Variants in KLHL24 observed in about 807,000 individuals in gnomAD.
KLHL24 encodes kelch-like protein 24.
In KLHL24, 29 loss-of-function variants were observed where a neutral mutation model predicts 53.4. The ratio of observed to expected loss-of-function variants is 0.54; its 90% CI spans 0.40 to 0.74. KLHL24 has a LOEUF of 0.74. Ranked by LOEUF, KLHL24 falls within the 30% of genes least tolerant of loss-of-function variation. The probability of loss-of-function intolerance (pLI) is 0.00; values close to 1 mark genes in which losing one functional copy is unlikely to be tolerated. For synonymous variants in KLHL24, 222 were observed against 253.7 expected (o/e 0.88, Z 1.19); for missense variants, 504 against 744.0 (o/e 0.68, Z 3.75).
intron 7 of KLHL24, among the ~76,000 whole-genome samples, chr3:183,678,303 C>CATT (rs1401221237): frequency 7.9e-5 from 12 of 152,166 alleles, no homozygotes; most frequent in Admixed American, 7.9e-4. Context: ...TTTCCTCATT[C>CATT]ATTCATTCAA....
intron 1 of KLHL24, among the ~76,000 whole-genome samples, chr3:183,640,845 C>T (rs1471264971): frequency 1.3e-5 from 2 of 152,068 alleles, no homozygotes; most frequent in Non-Finnish European, 1.5e-5. Context: ...CGTGATCCGC[C>T]TGCCTCAGCC....
chr3:183,645,035 G>A (rs1346205607), intron 2 of KLHL24, among the ~76,000 whole-genome samples: 2 of 152,186 alleles, frequency 1.3e-5, no homozygotes, highest in Non-Finnish European at 2.9e-5. Flanking sequence ...AACCTGAAAT[G>A]CAACAGGAAT....
At chr3:183,652,611 A>G (rs1314998691) in intron 3 of KLHL24, among the ~76,000 whole-genome samples, 2 of 152,192 alleles carry the variant, frequency 1.3e-5, no homozygotes, top group Non-Finnish European at 1.5e-5. Flanking sequence ...TTACTATAGC[A>G]TAGCTCATAA....
rs550313010 is a variant in KLHL24, at chr3:183,651,775, G to A, written c.920+499G>A. 1.1e-4 allele frequency among the ~76,000 whole-genome samples: 17 copies of A among 152,162 alleles called. No individual in the cohort carries two copies. The South Asian group carries it at 2.9e-3, about 26-fold the overall frequency. ...TCGAGACCAGCCTGGGCAACATAGC[G>A]AGACCTCATCGCTACTAAAAATAAT... On this transcript the variant is annotated intron_variant, in intron 3 of 7. Transcript: ENST00000242810.
intron 5 of KLHL24, among the ~76,000 whole-genome samples, chr3:183,666,039 C>T (rs1720509370): frequency 6.6e-6 from 1 of 152,042 alleles, no homozygotes; most frequent in Admixed American, 6.6e-5. Flanking sequence ...TTCGCCACCA[C>T]ACCTGGCTAA....
chr3:183,649,180 T>G (rs1349920459), intron 2 of KLHL24, among the ~76,000 whole-genome samples: 1 of 152,222 alleles, frequency 6.6e-6, no homozygotes, highest in African/African-American at 2.4e-5. Flanking sequence ...AATTTTATAA[T>G]AGAAATTTTG....
chr3:183,653,046 C>T (rs1470448569), intron 3 of KLHL24, among the ~76,000 whole-genome samples: 3 of 152,176 alleles, frequency 2.0e-5, no homozygotes, highest in African/African-American at 7.2e-5. Flanking sequence ...AGATACTTCT[C>T]CTAACTTACT....
chr3:183,647,759 T>A (rs1717512395), intron 2 of KLHL24, among the ~76,000 whole-genome samples: 1 of 151,968 alleles, frequency 6.6e-6, no homozygotes, highest in Non-Finnish European at 1.5e-5. Flanking sequence ...ATCCCAGCAC[T>A]TTGGGAGGCC....
rs544763028 is a variant in KLHL24 at position 183,683,898 on chromosome 3, G to A, written c.*4612G>A. On this transcript the variant is annotated 3_prime_UTR_variant, in exon 8 of 8. Transcript: ENST00000242810. The stretch of plus-strand genomic sequence containing the variant: ...CTTAAATTGTGTAATAAGCACCAAC[G>A]TGTGGTTGCTTGGCAGAATGAGAAT... 6.6e-6 allele frequency: 1 copy of A among 152,616 alleles called. No homozygotes were observed. Among genetic ancestry groups the A allele is most frequent in the South Asian group, 2.1e-4 (1 of 4,814 alleles). The allele number at this position is 152,616 out of a possible 1,614,324, so 9.5% of individuals were successfully genotyped here. A position where few individuals can be genotyped will look rare whatever the true frequency, so the allele number is the denominator to read the frequency against.
intron 5 of KLHL24, among the ~76,000 whole-genome samples, chr3:183,670,633 G>A (rs780517179): frequency 2.0e-5 from 3 of 152,086 alleles, no homozygotes; most frequent in Non-Finnish European, 4.4e-5. Context: ...ACCCATAAGT[G>A]TGAATATTTA....
intron 5 of KLHL24, among the ~76,000 whole-genome samples, chr3:183,668,569 C>T (rs1181224010): frequency 6.6e-6 from 1 of 152,090 alleles, no homozygotes; most frequent in African/African-American, 2.4e-5. Flanking sequence ...GGAGCACTCC[C>T]CAGTGTAACT....
chr3:183,646,407 T>C (rs1717256656), intron 2 of KLHL24, among the ~76,000 whole-genome samples: 1 of 150,648 alleles, frequency 6.6e-6, no homozygotes, highest in Non-Finnish European at 1.5e-5. Flanking sequence ...CCTCTGACTC[T>C]CCACCCTAGT....
chr3:183,657,413 A>C (rs532606953), intron 3 of KLHL24, among the ~76,000 whole-genome samples: 2 of 152,214 alleles, frequency 1.3e-5, no homozygotes, highest in Non-Finnish European at 1.5e-5. Context: ...TCTTTCTGCT[A>C]TCTCTTACCT....
At chr3:183,658,558 A>G (rs1301473268) in intron 3 of KLHL24, among the ~76,000 whole-genome samples, 2 of 152,286 alleles carry the variant, frequency 1.3e-5, no homozygotes, top group African/African-American at 2.4e-5. Flanking sequence ...CTTTGCATAC[A>G]TACACTGTTA....
At chr3:183,655,397 A>G (rs949016337) in intron 3 of KLHL24, among the ~76,000 whole-genome samples, 3 of 152,000 alleles carry the variant, frequency 2.0e-5, no homozygotes. Flanking sequence ...AGGCCAAGGC[A>G]TGGGGGTTGC....
At chr3:183,674,291 CTTT>C (rs1279898591) in intron 7 of KLHL24, among the ~76,000 whole-genome samples, 7 of 149,096 alleles carry the variant, frequency 4.7e-5, no homozygotes, top group African/African-American at 7.5e-5. Flanking sequence ...TTCTTTCTTT[CTTT>C]CTTTCTTTCC....
intron 3 of KLHL24, among the ~76,000 whole-genome samples, chr3:183,657,692 A>G (rs1287801894): frequency 6.6e-6 from 1 of 152,224 alleles, no homozygotes. Flanking sequence ...TCCTATTCCA[A>G]TCCCACTGAA....
chr3:183,657,928 T>C (rs1315454492), intron 3 of KLHL24, among the ~76,000 whole-genome samples: 1 of 152,134 alleles, frequency 6.6e-6, no homozygotes, highest in Non-Finnish European at 1.5e-5. Context: ...GTATTCTTTG[T>C]ATAGCTGGGC....
chr3:183,676,910 GTT>G (rs57502556), intron 7 of KLHL24, among the ~76,000 whole-genome samples: 48,504 of 139,444 alleles, frequency 0.35, 8,686 homozygotes, highest in African/African-American at 0.49. Flanking sequence ...GGGTTTTTTG[GTT>G]TTTTTTTTTT....
Sources: allele counts gnomAD v4.1 joint callset (sites outside exome capture counted in the v4.1 genomes callset), GRCh38; gene constraint gnomAD v4.1.1; transcripts MANE v1.5; gene names NCBI Gene and HGNC (gene_info 2026-07-23, HGNC 2026-07-21).